Variants in GALNTL6 observed in about 807,000 individuals in gnomAD.
GALNTL6 encodes polypeptide N-acetylgalactosaminyltransferase like 6.
In GALNTL6, 46 loss-of-function variants were observed where a neutral mutation model predicts 73.7. That is an observed-to-expected ratio of 0.62 (90% confidence interval 0.49 to 0.80). The LOEUF (loss-of-function observed/expected upper bound fraction) is 0.80. Ranked by LOEUF, GALNTL6 falls within the 30% of genes least tolerant of loss-of-function variation. The pLI, the probability that GALNTL6 is intolerant of heterozygous loss-of-function variation, is 0.00. For synonymous variants in GALNTL6, 259 were observed against 263.7 expected (o/e 0.98, Z 0.17); for missense variants, 604 against 755.0 (o/e 0.80, Z 2.34).
intron 8 of GALNTL6, among the ~76,000 whole-genome samples, chr4:172,891,910 G>A (rs566843966): frequency 2.0e-5 from 3 of 152,050 alleles, no homozygotes; most frequent in South Asian, 4.2e-4. Context: ...CTAGTCTTTT[G>A]TTAAGACTTC....
chr4:172,348,930 G>A (rs781569576), intron 5 of GALNTL6, among the ~76,000 whole-genome samples: 1 of 152,166 alleles, frequency 6.6e-6, no homozygotes, highest in African/African-American at 2.4e-5. Flanking sequence ...TGCAAATTAG[G>A]TGTTGGCAAA....
At chr4:172,686,090 G>A (rs978913371) in intron 5 of GALNTL6, among the ~76,000 whole-genome samples, 1 of 152,174 alleles carries the variant, frequency 6.6e-6, no homozygotes, top group Non-Finnish European at 1.5e-5. Flanking sequence ...CCCTTGGAGA[G>A]TAAGTTTGGA....
chr4:172,221,902 G>A (rs942698914), intron 2 of GALNTL6, among the ~76,000 whole-genome samples: 4 of 151,616 alleles, frequency 2.6e-5, no homozygotes, highest in South Asian at 2.1e-4. Flanking sequence ...TGGCACTTTC[G>A]GTTCATTTCC....
chr4:172,843,567 A>G (rs1743333958), intron 7 of GALNTL6, among the ~76,000 whole-genome samples: 1 of 152,012 alleles, frequency 6.6e-6, no homozygotes, highest in Non-Finnish European at 1.5e-5. Context: ...CACCCATACA[A>G]CACTCTTTTC....
intron 5 of GALNTL6, among the ~76,000 whole-genome samples, chr4:172,724,028 C>G (rs1735652558): frequency 6.6e-6 from 1 of 152,060 alleles, no homozygotes; most frequent in South Asian, 2.1e-4. Context: ...GTCAGGAAAC[C>G]ATGTGAAACA....
chr4:172,771,450 A>G (rs1026986196), intron 5 of GALNTL6, among the ~76,000 whole-genome samples: 1 of 152,226 alleles, frequency 6.6e-6, no homozygotes, highest in African/African-American at 2.4e-5. Flanking sequence ...TCATAGATCC[A>G]TTAATCACTA....
At chr4:172,332,669 T>C (rs1232791043) in intron 4 of GALNTL6, among the ~76,000 whole-genome samples, 1 of 152,210 alleles carries the variant, frequency 6.6e-6, no homozygotes, top group African/African-American at 2.4e-5. Context: ...TTTCATTGTG[T>C]ATATATACTA....
In GALNTL6 at chr4:172,136,596, T is replaced by C. The variant is rs1733643931; in HGVS notation, c.139-93060T>C. ...TTTGTTTCCCCACGTTGCAGCTTGA[T>C]GGCATCAGATTTTGTGGTGATATGC... On this transcript the variant is annotated intron_variant, in intron 2 of 12. Coordinates refer to ENST00000506823, the MANE Select transcript of GALNTL6 (RefSeq NM_001034845.3). Among the ~76,000 whole-genome samples the C allele has an allele frequency of 3.3e-5, 5 of 152,162 alleles. No homozygotes were observed. The South Asian group carries it at 8.3e-4, about 25-fold the overall frequency.
chr4:172,267,892 T>C (rs1475377751), intron 3 of GALNTL6, among the ~76,000 whole-genome samples: 1 of 152,168 alleles, frequency 6.6e-6, no homozygotes, highest in Non-Finnish European at 1.5e-5. Flanking sequence ...AATGGCACTC[T>C]AACACAAAGT....
At chr4:172,705,827 G>A (rs2111306777) in intron 5 of GALNTL6, among the ~76,000 whole-genome samples, 1 of 152,124 alleles carries the variant, frequency 6.6e-6, no homozygotes, top group South Asian at 2.1e-4. Context: ...GGTTTCTACT[G>A]AGAAGTCTGT....
chr4:172,563,247 T>G (rs944383345), intron 5 of GALNTL6, among the ~76,000 whole-genome samples: 1 of 152,156 alleles, frequency 6.6e-6, no homozygotes, highest in Non-Finnish European at 1.5e-5. Flanking sequence ...TGTTCCTTTG[T>G]GTAGCAGAAA....
At chr4:172,713,169 G>A (rs74970277) in intron 5 of GALNTL6, among the ~76,000 whole-genome samples, 1,975 of 149,932 alleles carry the variant, frequency 0.013, 21 homozygotes, top group Non-Finnish European at 0.022. Flanking sequence ...GTGCTGTATC[G>A]GTCACTCTTC....
chr4:172,667,931 T>C (rs1328305668), intron 5 of GALNTL6: 2 of 152,216 alleles, frequency 1.3e-5, no homozygotes, highest in Non-Finnish European at 2.9e-5. Flanking sequence ...ACTCAGCATT[T>C]TCCCCCGCAT....
At chr4:172,299,617 C>T (rs186672366) in intron 3 of GALNTL6, among the ~76,000 whole-genome samples, 51 of 152,300 alleles carry the variant, frequency 3.3e-4, no homozygotes, top group African/African-American at 1.1e-3. Flanking sequence ...GCCTTCATTT[C>T]GTTATGTACC....
At chr4:172,593,315 T>G (rs537349060) in intron 5 of GALNTL6, among the ~76,000 whole-genome samples, 1 of 152,354 alleles carries the variant, frequency 6.6e-6, no homozygotes, top group African/African-American at 2.4e-5. Flanking sequence ...GCCTGTTCTC[T>G]CATATTAAAT....
At chr4:172,606,917 T>A (rs1044495886) in intron 5 of GALNTL6, among the ~76,000 whole-genome samples, 6 of 151,590 alleles carry the variant, frequency 4.0e-5, no homozygotes, top group Admixed American at 3.3e-4. Flanking sequence ...TTAGGAAATG[T>A]CAGTGGAGGG....
intron 2 of GALNTL6, among the ~76,000 whole-genome samples, chr4:171,839,369 C>T (rs1234840079): frequency 1.3e-5 from 2 of 152,014 alleles, no homozygotes; most frequent in Non-Finnish European, 2.9e-5. Context: ...ATCTGGAAGG[C>T]AAAATTTTAT....
intron 5 of GALNTL6, among the ~76,000 whole-genome samples, chr4:172,772,612 T>G (rs983334122): frequency 4.6e-5 from 7 of 152,216 alleles, no homozygotes; most frequent in African/African-American, 1.7e-4. Flanking sequence ...CCAGGTGGCA[T>G]AAATGCTCCA....
At chr4:172,220,012 C>T (rs971909370) in intron 2 of GALNTL6, among the ~76,000 whole-genome samples, 2 of 151,826 alleles carry the variant, frequency 1.3e-5, no homozygotes, top group African/African-American at 2.4e-5. Context: ...AAATCCAATT[C>T]TCTGTTAGGA....
Sources: allele counts gnomAD v4.1 joint callset (sites outside exome capture counted in the v4.1 genomes callset), GRCh38; gene constraint gnomAD v4.1.1; transcripts MANE v1.5; gene names NCBI Gene and HGNC (gene_info 2026-07-23, HGNC 2026-07-21).